RP1: variants seen among roughly 807,000 people sequenced by gnomAD.
RP1 encodes the protein oxygen-regulated protein 1.
Under a neutral mutation model 14.8 loss-of-function variants are expected in RP1, and 16 were observed. The ratio of observed to expected loss-of-function variants is 1.08; its 90% confidence interval spans 0.73 to 1.65. The LOEUF is 1.65. Among genes scored for constraint, RP1 ranks in the 40% most tolerant of loss-of-function variants. The probability of loss-of-function intolerance (pLI) is 0.00; values close to 1 mark genes in which losing one functional copy is unlikely to be tolerated. For missense variants in RP1, 2,631 were observed against 2,535.0 expected (o/e 1.04, Z -0.81); for synonymous variants, 876 against 883.6 (o/e 0.99, Z 0.15).
intron 23 of RP1, among the ~76,000 whole-genome samples, chr8:54,778,580 C>T (rs192286087): frequency 7.9e-5 from 12 of 152,256 alleles, no homozygotes; most frequent in African/African-American, 1.2e-4. Context: ...ACCTCGGCCT[C>T]CCAAAGTGCT....
At chr8:54,761,713 T>C (rs1210875878) in intron 22 of RP1, among the ~76,000 whole-genome samples, 1 of 152,232 alleles carries the variant, frequency 6.6e-6, no homozygotes, top group East Asian at 1.9e-4. Context: ...TAAATGCTAA[T>C]ATTTAATACC....
intron 25 of RP1, among the ~76,000 whole-genome samples, chr8:54,848,453 T>C (rs989399672): frequency 1.3e-5 from 2 of 152,138 alleles, no homozygotes; most frequent in African/African-American, 4.8e-5. Flanking sequence ...TGGTGTGGAT[T>C]GGGCCCAATG....
rs748670129 is a variant in RP1 at position 54,628,552 on chromosome 8, C to T, written c.4670C>T (p.Thr1557Ile). ...NSEKETNEGE[T>I]KMVKMMVKTM... ...GAAAAGGAGACCAATGAAGGAGAAA[C>T]TAAGATGGTAAAAATGATGGTGAAA... The change falls in exon 4 of 4, where the codon ACT (threonine) becomes ATT (isoleucine). Residue 1557 changes from threonine to isoleucine, a missense_variant. Transcript: ENST00000220676. 5.0e-6 allele frequency: 8 copies of T among 1,613,866 alleles called. No individual in the cohort carries two copies. In the South Asian group the frequency reaches 8.8e-5, roughly 18 times the overall value.
At chr8:54,869,287 A>G (rs796817598) in intron 28 of RP1, among the ~76,000 whole-genome samples, 1 of 152,236 alleles carries the variant, frequency 6.6e-6, no homozygotes, top group Non-Finnish European at 1.5e-5. Flanking sequence ...TGTAGGTATA[A>G]GATACATTCC....
chr8:54,814,020 G>A (rs1811076114), intron 24 of RP1, among the ~76,000 whole-genome samples: 1 of 152,154 alleles, frequency 6.6e-6, no homozygotes, highest in Non-Finnish European at 1.5e-5. Context: ...AGAATTATGT[G>A]TATCTCATAT....
chr8:54,828,882 CT>C (rs201534661), intron 24 of RP1, among the ~76,000 whole-genome samples: 231 of 83,920 alleles, frequency 2.8e-3, no homozygotes, highest in Middle Eastern at 0.011. Flanking sequence ...TCTTCTTCTT[CT>C]TTTTTTTTTT....
intron 1 of RP1, among the ~76,000 whole-genome samples, chr8:54,604,416 G>T (rs1162418271): frequency 1.3e-5 from 2 of 152,182 alleles, no homozygotes; most frequent in South Asian, 2.1e-4. Flanking sequence ...TAAGCTTTTT[G>T]ATATGCTGCT....
At chr8:54,661,291 A>G (rs1294585219) in intron 6 of RP1, among the ~76,000 whole-genome samples, 2 of 132,976 alleles carry the variant, frequency 1.5e-5, no homozygotes, top group East Asian at 3.9e-4. Flanking sequence ...TGATATATAA[A>G]TGATATATAT....
chr8:54,702,063 A>G (rs900071019), intron 14 of RP1, among the ~76,000 whole-genome samples: 2 of 152,058 alleles, frequency 1.3e-5, no homozygotes, highest in African/African-American at 4.8e-5. Context: ...TGTGTTTGTG[A>G]ATCTATCTTA....
rs1391109458 is a variant in RP1, at chr8:54,678,476, T to C, written c.1418T>C (p.Leu473Pro). 4 of 1,534,830 alleles carry C rather than the reference T, an allele frequency of 2.6e-6. No individual in the cohort carries two copies. In the Admixed American group the frequency reaches 5.9e-5, roughly 23 times the overall value. The change falls in exon 9 of 23, where the codon CTT (leucine) becomes CCT (proline). Residue 473 changes from leucine to proline, a missense_variant. Physicochemically the swap from Leu to Pro is moderately conservative, Grantham distance 98. Transcript: ENST00000636932. ...TTGTGTTTAGGAAATGGTTGGTTTC[T>C]TGATGATGTTGTTATCAAGGATCCC...
intron 24 of RP1, among the ~76,000 whole-genome samples, chr8:54,817,771 T>C (rs777378710): frequency 2.0e-5 from 3 of 152,222 alleles, no homozygotes; most frequent in Non-Finnish European, 4.4e-5. Flanking sequence ...TTTACTGATG[T>C]TCACACATGT....
At chr8:54,685,783 AG>A (rs1563347410) in intron 12 of RP1, among the ~76,000 whole-genome samples, 2 of 152,234 alleles carry the variant, frequency 1.3e-5, no homozygotes, top group Non-Finnish European at 2.9e-5. Flanking sequence ...CCCTCTTCTC[AG>A]TTTTATGACT....
intron 24 of RP1, among the ~76,000 whole-genome samples, chr8:54,796,192 A>C (rs1020001517): frequency 1.3e-5 from 2 of 152,146 alleles, no homozygotes; most frequent in Admixed American, 6.6e-5. Context: ...GTTATTTACC[A>C]TTTTATCCTC....
At chr8:54,624,636 A>T (rs1314321594) in intron 3 of RP1, 34 bp from the exon 4 acceptor site, 1 of 1,609,244 alleles carries the variant, frequency 6.2e-7, no homozygotes, top group African/African-American at 1.3e-5. Context: ...TTATATTTTG[A>T]TGTGGGCACC....
At chr8:54,823,946 A>G (rs562774724) in intron 24 of RP1, among the ~76,000 whole-genome samples, 1 of 152,302 alleles carries the variant, frequency 6.6e-6, no homozygotes, top group African/African-American at 2.4e-5. Context: ...CCCTGCAAGC[A>G]TTTGATAGTC....
In RP1 at chr8:54,680,037, T is replaced by A. The variant is rs948105452; in HGVS notation, c.1717+104T>A. ...TTTATAGTTTTGTTCTTTTTACAGA[T>A]GGCTTTACACAAGTGTTAGGCCATT... On this transcript the variant is annotated intron_variant, in intron 12 of 22. Coordinates refer to the RP1 transcript ENST00000636932. 2.8e-6 allele frequency: 4 copies of A among 1,405,924 alleles called. No homozygotes were observed. In the Admixed American group the frequency reaches 1.1e-4, roughly 39 times the overall value. 87.1% of individuals were successfully genotyped at this position (1,405,924 alleles called of 1,614,324 possible).
At chr8:54,830,201 G>A (rs1159693560) in intron 24 of RP1, among the ~76,000 whole-genome samples, 2 of 151,660 alleles carry the variant, frequency 1.3e-5, no homozygotes, top group African/African-American at 4.8e-5. Context: ...CTGTTTTTAA[G>A]CTCTATTAGT....
intron 22 of RP1, among the ~76,000 whole-genome samples, chr8:54,766,032 G>C (rs950513895): frequency 1.3e-5 from 2 of 152,110 alleles, no homozygotes; most frequent in Admixed American, 1.3e-4. Flanking sequence ...AGGGAGGGGG[G>C]TAAGGACGAT....
intron 28 of RP1, among the ~76,000 whole-genome samples, chr8:54,869,018 T>C (rs186142277): frequency 1.6e-3 from 250 of 152,252 alleles, no homozygotes; most frequent in Middle Eastern, 0.01. Context: ...TTCCAAGGAA[T>C]AGGCTTCATG....
Sources: gnomAD v4.1 joint callset for allele counts (sites outside exome capture counted in the v4.1 genomes callset) on GRCh38, gnomAD v4.1.1 for gene constraint, MANE v1.5 for transcripts, NCBI Gene and HGNC (gene_info 2026-07-23, HGNC 2026-07-21) for gene names.